The following SSH1 variants were observed in gnomAD, a reference collection of about 807,000 sequenced individuals.
The protein encoded by SSH1 is slingshot protein phosphatase 1.
SSH1 carries 43 observed loss-of-function variants against 79.7 expected under a neutral mutation model. The ratio of observed to expected loss-of-function variants is 0.54; its 90% CI spans 0.42 to 0.70. The LOEUF is 0.70. Ranked by LOEUF, SSH1 falls within the 30% of genes least tolerant of loss-of-function variation. The pLI, the probability that SSH1 is intolerant of heterozygous loss-of-function variation, is 0.00. For synonymous variants in SSH1, 599 were observed against 538.3 expected (o/e 1.11, Z -1.56); for missense variants, 1,206 against 1,358.8 (o/e 0.89, Z 1.77).
At position 108,807,727 on chromosome 12, in the gene SSH1, A is replaced by G. The variant is rs765222008; in HGVS notation, c.637T>C (p.Cys213Arg). 1.1e-5 allele frequency: 18 copies of G among 1,613,324 alleles called. No individual in the cohort carries two copies. Among genetic ancestry groups the G allele is most frequent in the Non-Finnish European group, 9.3e-6 (11 of 1,179,578 alleles). The part of the protein sequence containing the change: ...ALIWATYYES[C>R]ISSEQSCINE... ...ATGCAGCTCTGCTCGGAGCTGATGC[A>G]GCTCTCATAGTAGGTAGCCCAGATG... The change falls in exon 8 of 15, where the codon TGC (cysteine) becomes CGC (arginine). Residue 213 changes from cysteine (C) to arginine (R), a missense_variant. Around this residue, in one of 5 missense-constraint regions of SSH1, gnomAD observed 116 missense variants for 109.0 expected, o/e 1.06. Transcript: ENST00000326495. This position sits in a 1 kb window ranked among gnomAD's most constrained non-coding sequence, Gnocchi z 5.2.
chr12:108,852,591 C>G, intron 2 of SSH1, 47 bp downstream of exon 2: 1 of 1,611,006 alleles, frequency 6.2e-7, no homozygotes, highest in South Asian at 1.1e-5. Flanking sequence ...GCATTCCTTA[C>G]CTGCTTGGGA....
chr12:108,803,708 G>C (rs2037131801), intron 10 of SSH1, among the ~76,000 whole-genome samples: 1 of 152,198 alleles, frequency 6.6e-6, no homozygotes, highest in African/African-American at 2.4e-5. Flanking sequence ...ACCTAGTGGA[G>C]AAAGAAGGAA....
intron 5 of SSH1, chr12:108,811,654 G>A (rs1025627282): frequency 1.1e-4 from 44 of 415,422 alleles, no homozygotes; most frequent in South Asian, 2.6e-4. Context: ...GGCAAGCACC[G>A]GCAGCCAAGC....
chr12:108,827,154 CTCAA>C, intron 2 of SSH1: 2 of 1,069,588 alleles, frequency 1.9e-6, no homozygotes, highest in Non-Finnish European at 2.6e-6. Flanking sequence ...GACAAAAAAC[CTCAA>C]TCAATGCTCC....
At chr12:108,824,747 C>T (rs139502148) in intron 2 of SSH1, among the ~76,000 whole-genome samples, 421 of 152,260 alleles carry the variant, frequency 2.8e-3, no homozygotes, top group African/African-American at 9.7e-3. Context: ...TGTGAGACCC[C>T]GTCGTACATC....
At chr12:108,838,405 G>A (rs544807084) in intron 2 of SSH1, among the ~76,000 whole-genome samples, 2 of 152,140 alleles carry the variant, frequency 1.3e-5, no homozygotes, top group Admixed American at 1.3e-4. Flanking sequence ...AGGTTTTGAG[G>A]GCCTCTCACA....
At chr12:108,791,542 G>T (rs1355632934) in intron 14 of SSH1, among the ~76,000 whole-genome samples, 1 of 152,140 alleles carries the variant, frequency 6.6e-6, no homozygotes, top group Non-Finnish European at 1.5e-5. Flanking sequence ...GGAAGCCAAG[G>T]TGGGCAGATG....
intron 2 of SSH1, among the ~76,000 whole-genome samples, chr12:108,839,357 G>C (rs2038720414): frequency 6.6e-6 from 1 of 152,214 alleles, no homozygotes; most frequent in Non-Finnish European, 1.5e-5. Flanking sequence ...GACCTAAAGA[G>C]CCACTCCTAG....
chr12:108,801,001 C>A, intron 11 of SSH1, 75 bp from the exon 12 acceptor site: 1 of 1,462,488 alleles, frequency 6.8e-7, no homozygotes, highest in Non-Finnish European at 9.5e-7. Context: ...TAAAAACTGG[C>A]AGAGAAAAGA....
At position 108,800,821 on chromosome 12, in the gene SSH1, G is replaced by C. The variant is rs777920437; in HGVS notation, c.1107C>G (p.Leu369=). 1.2e-6 allele frequency: 2 copies of C among 1,614,138 alleles called. No homozygotes were observed. Among genetic ancestry groups the C allele is most frequent in the East Asian group, 2.2e-5 (1 of 44,890 alleles). The part of the protein sequence containing the change: ...RVYDEETTDL[L]AHWNEAYHFI... ...AATGATACGCTTCATTCCAGTGGGCGAGGAGGTCTGTGGTCTCTTCATCGT... is the reference window on the plus strand; with the variant it reads ...AATGATACGCTTCATTCCAGTGGGCCAGGAGGTCTGTGGTCTCTTCATCGT... Residue 369 remains leucine, a synonymous_variant, in exon 12 of 15, where the codon CTC becomes CTG. Transcript: ENST00000326495.
intron 5 of SSH1, among the ~76,000 whole-genome samples, chr12:108,816,096 C>G (rs985974909): frequency 6.6e-6 from 1 of 152,200 alleles, no homozygotes; most frequent in Non-Finnish European, 1.5e-5. Context: ...CGTTAAGAGT[C>G]GGCTTAGGCT....
Position 108,807,963 on chromosome 12 carries a change from T to C in SSH1, c.537-136A>G. ...TTGATTATTTCTTTTTGGGACAGAG[T>C]CTCGCTCTGTCACTCCCAGGCTAGA... On this transcript the variant is annotated intron_variant, in intron 7 of 14. Transcript: ENST00000326495. This position sits in a 1 kb window ranked among gnomAD's most constrained non-coding sequence, Gnocchi z 5.2. 1 of 790,270 alleles carries C rather than the reference T, an allele frequency of 1.3e-6. No individual in the cohort carries two copies. 49.0% of individuals were successfully genotyped at this position (790,270 alleles called of 1,614,324 possible). A position where few individuals can be genotyped will look rare whatever the true frequency, so the allele number is the denominator to read the frequency against.
intron 7 of SSH1, among the ~76,000 whole-genome samples, chr12:108,808,985 C>T (rs927441220): frequency 2.6e-5 from 4 of 151,620 alleles, no homozygotes; most frequent in Middle Eastern, 3.2e-3. Context: ...AGGTGTGTAC[C>T]GTCACACCTG....
chr12:108,829,171 T>C (rs1241471672), intron 2 of SSH1, among the ~76,000 whole-genome samples: 2 of 151,962 alleles, frequency 1.3e-5, no homozygotes, highest in Non-Finnish European at 1.5e-5. Context: ...CTACTAAAAA[T>C]ACAAAAATTA....
intron 10 of SSH1, 113 bp from the exon 11 acceptor site, chr12:108,802,481 A>T: frequency 1.1e-6 from 1 of 907,834 alleles, no homozygotes. Flanking sequence ...TCATGGCCCC[A>T]TTGGCCTCAG....
In SSH1 at chr12:108,788,513, G is replaced by C; in HGVS notation, c.2625C>G (p.Ser875Arg). ...CTGACTTCTCATCACTCCCGGCCTGGCTGGGCATAACCAGGGGGCCCAGCT... is the reference window on the plus strand; with the variant it reads ...CTGACTTCTCATCACTCCCGGCCTGCCTGGGCATAACCAGGGGGCCCAGCT... ...LHELGPLVMP[S>R]QAGSDEKSEA... is the part of the protein sequence containing the mutation. The change falls in exon 15 of 15, where the codon AGC becomes AGG. Residue 875 changes from serine (S) to arginine (R), a missense_variant. Coordinates refer to ENST00000326495, the MANE Select transcript of SSH1 (RefSeq NM_018984.4). 1 of 1,560,532 alleles carries C rather than the reference G, an allele frequency of 6.4e-7. No individual in the cohort carries two copies. The highest frequency in any genetic ancestry group is 8.7e-7 in the Non-Finnish European group (1 of 1,154,812).
chr12:108,798,695 T>C (rs2036855423), intron 13 of SSH1, among the ~76,000 whole-genome samples: 4 of 152,214 alleles, frequency 2.6e-5, no homozygotes, highest in Admixed American at 2.6e-4. Flanking sequence ...GCGCACGTGC[T>C]TACGCCACAC....
chr12:108,834,669 G>A (rs188685486), intron 2 of SSH1, among the ~76,000 whole-genome samples: 21 of 152,262 alleles, frequency 1.4e-4, no homozygotes, highest in Non-Finnish European at 2.8e-4. Flanking sequence ...TTAGTGATAG[G>A]AACCTAGGAA....
intron 14 of SSH1, among the ~76,000 whole-genome samples, chr12:108,791,316 G>T (rs1303613648): frequency 6.6e-6 from 1 of 152,074 alleles, no homozygotes; most frequent in Non-Finnish European, 1.5e-5. Flanking sequence ...CACCATGTTG[G>T]TCAGGATAGT....
Sources: gnomAD v4.1 joint callset for allele counts (sites outside exome capture counted in the v4.1 genomes callset) on GRCh38, gnomAD v4.1.1 for gene constraint, gnomAD v4.1.1 regional missense constraint, Gnocchi (gnomAD v3.1) non-coding constraint, MANE v1.5 for transcripts, NCBI Gene and HGNC (gene_info 2026-07-23, HGNC 2026-07-21) for gene names.